Variants in NOVA1 observed in about 807,000 individuals in gnomAD.
NOVA1 encodes NOVA alternative splicing regulator 1, also known as RNA-binding protein Nova-1.
Under a neutral mutation model 38.0 loss-of-function variants are expected in NOVA1, and 7 were observed. The ratio of observed to expected loss-of-function variants is 0.18; its 90% CI spans 0.10 to 0.35. The LOEUF (loss-of-function observed/expected upper bound fraction) is 0.35. Among genes scored for constraint, NOVA1 ranks in the 10% least tolerant of loss-of-function variants. The probability of loss-of-function intolerance (pLI) is 1.00; values close to 1 mark genes in which losing one functional copy is unlikely to be tolerated. For missense variants in NOVA1, 460 were observed against 616.0 expected, an observed-to-expected ratio of 0.75 and a Z score of 2.68; for synonymous variants, 270 against 232.5, an observed-to-expected ratio of 1.16 and a Z score of -1.47.
chr14:26,500,474 T>G (rs1887168252), intron 2 of NOVA1, among the ~76,000 whole-genome samples: 1 of 151,870 alleles, frequency 6.6e-6, no homozygotes, highest in Admixed American at 6.6e-5. Flanking sequence ...TTAAAACATA[T>G]TTAAAAGAAG....
Position 26,554,279 on chromosome 14 carries a change from A to G in NOVA1, c.280+41131T>C, listed in dbSNP as rs191830766. On this transcript the variant is annotated intron_variant, in intron 2 of 4. Coordinates refer to ENST00000539517, the MANE Select transcript of NOVA1 (RefSeq NM_002515.3). ...AAAGGGAACAAAAGGTACTACTTACATAAGAAAGCCTTTTCCCTTTCCACC... is the reference window on the plus strand; with the variant it reads ...AAAGGGAACAAAAGGTACTACTTACGTAAGAAAGCCTTTTCCCTTTCCACC... Among the ~76,000 whole-genome samples, 335 of 152,224 alleles carry G rather than the reference A, an allele frequency of 2.2e-3. 3 individuals carry two copies. Among genetic ancestry groups the G allele is most frequent in the African/African-American group, 7.1e-3 (296 of 41,540 alleles).
At chr14:26,527,367 A>G (rs570084175) in intron 2 of NOVA1, among the ~76,000 whole-genome samples, 2 of 152,236 alleles carry the variant, frequency 1.3e-5, no homozygotes, top group Admixed American at 6.5e-5. Flanking sequence ...GTACCCTTTG[A>G]GGATGAGCAT....
At chr14:26,568,819 G>GT (rs2138711887) in intron 2 of NOVA1, among the ~76,000 whole-genome samples, 1 of 152,250 alleles carries the variant, frequency 6.6e-6, no homozygotes, top group East Asian at 1.9e-4. Flanking sequence ...TGCTGTCATT[G>GT]TAAGAGTAAA....
chr14:26,595,545 G>T lies in NOVA1; in HGVS notation c.145C>A (p.Gln49Lys). 1 of 1,612,160 alleles carries T rather than the reference G, an allele frequency of 6.2e-7. No individual in the cohort carries two copies. Among genetic ancestry groups the T allele is most frequent in the Non-Finnish European group, 8.5e-7 (1 of 1,179,384 alleles). ...TKRTNTGEDGQYFLKVLIPSY... is the reference protein window; with the variant it reads ...TKRTNTGEDGKYFLKVLIPSY... ...GGTATGAGAACCTTTAGAAAATACT[G>T]GCCGTCTTCTGAAAAATGCAAAGAA... Residue 49 changes from glutamine (Q) to lysine (K), a missense_variant, in exon 2 of 5, where the codon CAG (glutamine) becomes AAG (lysine). Coordinates refer to ENST00000539517, the MANE Select transcript of NOVA1 (RefSeq NM_002515.3).
chr14:26,523,729 T>C (rs1224975209), intron 2 of NOVA1, among the ~76,000 whole-genome samples: 2 of 152,026 alleles, frequency 1.3e-5, no homozygotes, highest in Non-Finnish European at 2.9e-5. Context: ...TTTTCTTTTT[T>C]TTCCCTATCC....
intron 4 of NOVA1, among the ~76,000 whole-genome samples, chr14:26,464,007 G>A (rs545452351): frequency 3.9e-5 from 6 of 152,112 alleles, no homozygotes; most frequent in Non-Finnish European, 7.4e-5. Flanking sequence ...ATTTTACAAT[G>A]AGAAAACACG....
chr14:26,449,327 T>C (rs1233954099), intron 4 of NOVA1, among the ~76,000 whole-genome samples: 1 of 152,140 alleles, frequency 6.6e-6, no homozygotes, highest in African/African-American at 2.4e-5. Flanking sequence ...TTGATGATTC[T>C]TCACCTATTG....
chr14:26,528,198 A>T (rs1889436670), intron 2 of NOVA1, among the ~76,000 whole-genome samples: 1 of 152,144 alleles, frequency 6.6e-6, no homozygotes, highest in Admixed American at 6.5e-5. Flanking sequence ...TGGAATTTTC[A>T]AGTAGTAAAG....
At chr14:26,569,930 G>C (rs1892368352) in intron 2 of NOVA1, among the ~76,000 whole-genome samples, 1 of 151,268 alleles carries the variant, frequency 6.6e-6, no homozygotes, top group South Asian at 2.1e-4. Flanking sequence ...TTAAACAAGG[G>C]GTCAGTGCTT....
intron 2 of NOVA1, among the ~76,000 whole-genome samples, chr14:26,502,062 A>G (rs1887281896): frequency 6.6e-6 from 1 of 151,922 alleles, no homozygotes; most frequent in African/African-American, 2.4e-5. Context: ...AACTAAACAA[A>G]TCCATTTCTT....
chr14:26,596,586 C>T, intron 1 of NOVA1: 1 of 1,289,126 alleles, frequency 7.8e-7, no homozygotes, highest in African/African-American at 1.5e-5. Flanking sequence ...TGCTTCGATG[C>T]ATTGGGTGCA....
chr14:26,534,942 C>T (rs1313976431), intron 2 of NOVA1, among the ~76,000 whole-genome samples: 2 of 152,166 alleles, frequency 1.3e-5, no homozygotes, highest in Admixed American at 6.5e-5. Context: ...TCCAAAGGAA[C>T]CAGACCTGTT....
chr14:26,486,198 A>C (rs564932739), intron 2 of NOVA1, among the ~76,000 whole-genome samples: 11 of 152,016 alleles, frequency 7.2e-5, no homozygotes, highest in Non-Finnish European at 1.5e-4. Flanking sequence ...TGCTATTTGG[A>C]GGTATGTCTG....
intron 2 of NOVA1, among the ~76,000 whole-genome samples, chr14:26,491,040 C>T (rs902335381): frequency 3.3e-5 from 5 of 151,932 alleles, no homozygotes; most frequent in Admixed American, 2.0e-4. Context: ...TTAGTAGAGA[C>T]GGGGTTTCAC....
At chr14:26,565,846 CTGAA>C (rs1400245911) in intron 2 of NOVA1, among the ~76,000 whole-genome samples, 1 of 152,028 alleles carries the variant, frequency 6.6e-6, no homozygotes, top group Admixed American at 6.5e-5. Flanking sequence ...AGAATGCAAA[CTGAA>C]TGGCGTTCTT....
intron 2 of NOVA1, among the ~76,000 whole-genome samples, chr14:26,515,856 AT>A (rs1888423809): frequency 6.6e-6 from 1 of 152,016 alleles, no homozygotes; most frequent in Non-Finnish European, 1.5e-5. Context: ...GTTATTTGCT[AT>A]TTTAACACTT....
At chr14:26,536,614 A>T (rs1055548169) in intron 2 of NOVA1, among the ~76,000 whole-genome samples, 1 of 152,224 alleles carries the variant, frequency 6.6e-6, no homozygotes, top group African/African-American at 2.4e-5. Flanking sequence ...CCCAAATCTT[A>T]AATTCTATAT....
At chr14:26,510,270 C>G (rs1420838253) in intron 2 of NOVA1, among the ~76,000 whole-genome samples, 1 of 152,000 alleles carries the variant, frequency 6.6e-6, no homozygotes, top group Non-Finnish European at 1.5e-5. Context: ...AGCTCATGAT[C>G]CATTTATAAT....
rs530975138 is a variant in NOVA1 at position 26,476,651 on chromosome 14, T to C, written c.447+3326A>G. Among the ~76,000 whole-genome samples, 3 of 152,272 alleles carry C rather than the reference T, an allele frequency of 2.0e-5. No individual in the cohort carries two copies. The East Asian group carries it at 5.8e-4, about 29-fold the overall frequency. On this transcript the variant is annotated intron_variant, in intron 3 of 4. Transcript: ENST00000539517. ...CAAGGTCCAGTCAAGTTTTCATCTA[T>C]TTACAAGACTATTAACTGTCACTCT...
Sources: gnomAD v4.1 joint callset for allele counts (sites outside exome capture counted in the v4.1 genomes callset) on GRCh38, gnomAD v4.1.1 for gene constraint, MANE v1.5 for transcripts, NCBI Gene and HGNC (gene_info 2026-07-23, HGNC 2026-07-21) for gene names.